Variants in PCDHA1 observed in about 807,000 individuals in gnomAD.
The protein encoded by PCDHA1 is protocadherin alpha 1, also known as protocadherin alpha-1.
Under a neutral mutation model 61.3 loss-of-function variants are expected in PCDHA1, and 42 were observed. That is an observed-to-expected ratio of 0.69 (90% CI 0.54 to 0.89). The LOEUF (loss-of-function observed/expected upper bound fraction) is 0.89. Among genes scored for constraint, PCDHA1 ranks in the 40% least tolerant of loss-of-function variants. The pLI is 0.00. For missense variants in PCDHA1, 1,256 were observed against 1,235.3 expected (o/e 1.02, Z -0.25); for synonymous variants, 610 against 553.8 (o/e 1.10, Z -1.43).
intron 1 of PCDHA1, among the ~76,000 whole-genome samples, chr5:140,964,690 A>G (rs1554227180): frequency 2.6e-5 from 4 of 152,036 alleles, no homozygotes. Context: ...TGTGCACTTG[A>G]GAGATTAAGG....
At chr5:140,867,727 A>G (rs1554161460) in intron 1 of PCDHA1, 1 of 152,094 alleles carries the variant, frequency 6.6e-6, no homozygotes. Context: ...GAAAAGACAA[A>G]GAAAATTCAA....
chr5:141,010,341 T>G lies in PCDHA1; in HGVS notation c.*404T>G, dbSNP rs199826290. The stretch of plus-strand genomic sequence containing the variant: ...GAGCAGCTTGGGAGTTTGTGGCCAC[T>G]GGGTATGTGTGGCTACCGCGGGTAT... On this transcript the variant is annotated 3_prime_UTR_variant, in exon 4 of 4. Transcript: ENST00000504120. The G allele has an allele frequency of 4.0e-6, 6 of 1,503,220 alleles. No individual in the cohort carries two copies. Among genetic ancestry groups the G allele is most frequent in the Non-Finnish European group, 4.5e-6 (5 of 1,119,592 alleles). The allele number at this position is 1,503,220 out of a possible 1,614,324, so 93.1% of individuals were successfully genotyped here.
chr5:141,000,158 A>G (rs1313496168), intron 3 of PCDHA1, among the ~76,000 whole-genome samples: 1 of 151,968 alleles, frequency 6.6e-6, no homozygotes, highest in Non-Finnish European at 1.5e-5. Context: ...AACAAAAACT[A>G]TTTGATTATT....
intron 1 of PCDHA1, chr5:140,855,960 T>A (rs933070909): frequency 4.3e-6 from 6 of 1,398,506 alleles, no homozygotes; most frequent in East Asian, 2.3e-5. Flanking sequence ...CGATAAAAAA[T>A]AGATATAAGA....
At chr5:140,982,213 A>G in intron 2 of PCDHA1, 2 of 482,032 alleles carry the variant, frequency 4.1e-6, no homozygotes, top group South Asian at 8.1e-5. Context: ...TGAGCGCCAC[A>G]TGGCGTTAAT....
chr5:140,876,553 G>A, intron 1 of PCDHA1: 2 of 1,614,216 alleles, frequency 1.2e-6, no homozygotes, highest in African/African-American at 2.7e-5. Context: ...CCCTGTGCAA[G>A]AGGATGCTCA....
intron 1 of PCDHA1, chr5:140,864,715 T>G (rs540368944): frequency 1.3e-5 from 2 of 152,390 alleles, no homozygotes; most frequent in Non-Finnish European, 2.9e-5. Flanking sequence ...GCTCTTCTAC[T>G]ATTTTGGGAA....
chr5:141,006,029 G>A (rs539375544), intron 3 of PCDHA1, among the ~76,000 whole-genome samples: 12 of 151,322 alleles, frequency 7.9e-5, no homozygotes, highest in Non-Finnish European at 1.2e-4. Context: ...ATAATAGTAA[G>A]AGGGAGATTT....
intron 1 of PCDHA1, chr5:140,822,097 A>G (rs2150113640): frequency 6.2e-7 from 1 of 1,614,242 alleles, no homozygotes; most frequent in Non-Finnish European, 8.5e-7. Context: ...CCTGGAGGTG[A>G]TCGTGGACAG....
Position 140,842,921 on chromosome 5 carries a change from C to T in PCDHA1, c.2394+54237C>T. 5 of 1,594,348 alleles carry T rather than the reference C, an allele frequency of 3.1e-6. 1 individual carries two copies. Among genetic ancestry groups the T allele is most frequent in the Non-Finnish European group, 4.3e-6 (5 of 1,165,382 alleles). On this transcript the variant is annotated intron_variant, in intron 1 of 3. Transcript: ENST00000504120. The stretch of plus-strand genomic sequence containing the variant: ...CGAGGAGCTAGAGCTGCTGCAGTTC[C>T]AGGTGAGCGCGCGCGACGCGGGCGT...
chr5:140,981,895 G>A (rs2153826767), intron 2 of PCDHA1, among the ~76,000 whole-genome samples: 1 of 152,252 alleles, frequency 6.6e-6, no homozygotes, highest in East Asian at 1.9e-4. Flanking sequence ...TCTGAGCGGG[G>A]ATCTGTGAGT....
chr5:140,828,192 C>G (rs1554131077), intron 1 of PCDHA1: 3 of 1,614,102 alleles, frequency 1.9e-6, no homozygotes, highest in Admixed American at 3.3e-5. Context: ...CTCCACTACT[C>G]CGTACCCGAG....
intron 3 of PCDHA1, among the ~76,000 whole-genome samples, chr5:140,986,734 C>T (rs2153854061): frequency 6.6e-6 from 1 of 152,260 alleles, no homozygotes; most frequent in Non-Finnish European, 1.5e-5. Context: ...TCTCAAGACC[C>T]CAGGGGATCT....
intron 1 of PCDHA1, chr5:140,877,758 G>C: frequency 6.2e-7 from 1 of 1,614,190 alleles, no homozygotes; most frequent in Non-Finnish European, 8.5e-7. Context: ...GCTCTGCAGA[G>C]AGCCCGCCCA....
At position 141,011,529 on chromosome 5, in the gene PCDHA1, G is replaced by A. The variant is rs2098420955; in HGVS notation, c.*1592G>A. On this transcript the variant is annotated 3_prime_UTR_variant, in exon 4 of 4. Coordinates refer to ENST00000504120, the MANE Select transcript of PCDHA1 (RefSeq NM_018900.4). ...GTGGAGTAGTGTTTTTTTAACCATT[G>A]TTAATCAGCTTTTGTGTATGAAAGA... 1.3e-5 allele frequency: 2 copies of A among 153,538 alleles called. No homozygotes were observed. The highest frequency in any genetic ancestry group is 3.9e-4 in the East Asian group (2 of 5,188). The allele number at this position is 153,538 out of a possible 1,614,324, so 9.5% of individuals were successfully genotyped here.
At chr5:140,915,982 G>A (rs1563009608) in intron 1 of PCDHA1, among the ~76,000 whole-genome samples, 3 of 152,230 alleles carry the variant, frequency 2.0e-5, no homozygotes, top group South Asian at 2.1e-4. Flanking sequence ...ATTTGACTAC[G>A]GCTAAGCTGG....
chr5:141,010,260 C>T lies in PCDHA1; in HGVS notation c.*323C>T, dbSNP rs906685521. The stretch of plus-strand genomic sequence containing the variant: ...GAGAGGTTGGACTCTCTGCCCTGTG[C>T]TCCGGGGATCCTGTCTTGATGACAC... On this transcript the variant is annotated 3_prime_UTR_variant, in exon 4 of 4. Transcript: ENST00000504120. 6.4e-7 allele frequency: 1 copy of T among 1,551,674 alleles called. No individual in the cohort carries two copies. The highest frequency in any genetic ancestry group is 1.4e-5 in the African/African-American group (1 of 73,028).
At chr5:140,877,280 A>G (rs782014601) in intron 1 of PCDHA1, 14 of 1,613,734 alleles carry the variant, frequency 8.7e-6, no homozygotes, top group Non-Finnish European at 1.2e-5. Context: ...GACTCCGGCT[A>G]TAACGCTTGG....
At chr5:140,990,318 A>C (rs2097387548) in intron 3 of PCDHA1, among the ~76,000 whole-genome samples, 1 of 152,054 alleles carries the variant, frequency 6.6e-6, no homozygotes, top group Admixed American at 6.5e-5. Context: ...AACCAACCAA[A>C]CAAACTTTAA....
Sources: allele counts gnomAD v4.1 joint callset (sites outside exome capture counted in the v4.1 genomes callset), GRCh38; gene constraint gnomAD v4.1.1; transcripts MANE v1.5; gene names NCBI Gene and HGNC (gene_info 2026-07-23, HGNC 2026-07-21).